GPHN: variants seen among roughly 807,000 people sequenced by gnomAD.
GPHN encodes gephyrin.
In GPHN, 17 loss-of-function variants were observed where a neutral mutation model predicts 95.5. That is an observed-to-expected ratio of 0.18 (90% confidence interval 0.12 to 0.27). The LOEUF is 0.27. GPHN is among the 10% of genes least tolerant of loss of function. GPHN has a pLI of 1.00. For synonymous variants in GPHN, 320 were observed against 322.5 expected (o/e 0.99, Z 0.08); for missense variants, 660 against 978.1 (o/e 0.67, Z 4.34).
intron 13 of GPHN, among the ~76,000 whole-genome samples, chr14:67,109,025 C>T (rs941702294): frequency 3.3e-5 from 5 of 152,112 alleles, no homozygotes; most frequent in Non-Finnish European, 7.3e-5. Flanking sequence ...GCCCACTACA[C>T]ACCTAGCCTA....
chr14:66,568,351 G>A (rs1404294129), intron 1 of GPHN, among the ~76,000 whole-genome samples: 4 of 152,110 alleles, frequency 2.6e-5, no homozygotes, highest in South Asian at 2.1e-4. Flanking sequence ...TTAGGCCTGC[G>A]TGCCTTGTTT....
At chr14:66,519,953 T>C (rs1252198629) in intron 1 of GPHN, among the ~76,000 whole-genome samples, 2 of 152,158 alleles carry the variant, frequency 1.3e-5, no homozygotes, top group South Asian at 4.1e-4. Context: ...AGGCTGCAAA[T>C]TGAATCTATG....
chr14:66,968,868 G>A (rs1028838547), intron 9 of GPHN, among the ~76,000 whole-genome samples: 13 of 148,298 alleles, frequency 8.8e-5, no homozygotes, highest in African/African-American at 3.0e-4. Flanking sequence ...TGATTATCAA[G>A]AATACATAAT....
At chr14:67,613,032 G>A in the GPHN span, 1 of 152,186 alleles carries the variant, frequency 6.6e-6, no homozygotes, top group Non-Finnish European at 1.5e-5. Flanking sequence ...AAAGGAAGAA[G>A]CTGAGGCAAA....
the GPHN span, chr14:67,224,945 T>A: frequency 1.8e-6 from 1 of 565,708 alleles, no homozygotes; most frequent in East Asian, 3.4e-5. Context: ...TTGCAAAGAA[T>A]AAATACATTT....
At chr14:67,515,407 C>CCGGCGGCGGCGGCGG in the GPHN span, 88 of 178,878 alleles carry the variant, frequency 4.9e-4, 2 homozygotes, top group East Asian at 7.7e-3. Flanking sequence ...AAAGGAGCCC[C>CCGGCGGCGGCGGCGG]CGGCGGCGGC....
chr14:66,618,162 G>A (rs910903824), intron 1 of GPHN, among the ~76,000 whole-genome samples: 1 of 152,136 alleles, frequency 6.6e-6, no homozygotes, highest in African/African-American at 2.4e-5. Context: ...TGGTTTGAGT[G>A]AATATCCTTG....
the GPHN span, among the ~76,000 whole-genome samples, chr14:67,564,540 C>A: frequency 6.6e-6 from 1 of 152,138 alleles, no homozygotes; most frequent in Non-Finnish European, 1.5e-5. Context: ...TCACTGCAAC[C>A]TCTGCCTCCT....
At chr14:67,632,331 T>C in the GPHN span, among the ~76,000 whole-genome samples, 2 of 152,272 alleles carry the variant, frequency 1.3e-5, no homozygotes, top group African/African-American at 2.4e-5. Context: ...TGACTTGATA[T>C]ATCCATAAGC....
intron 1 of GPHN, among the ~76,000 whole-genome samples, chr14:66,593,578 A>C (rs183297441): frequency 1.3e-5 from 2 of 152,272 alleles, no homozygotes; most frequent in African/African-American, 4.8e-5. Context: ...ACCTCCCACC[A>C]GGTCTCTTTC....
intron 10 of GPHN, among the ~76,000 whole-genome samples, chr14:67,041,015 G>A (rs2074674305): frequency 6.6e-6 from 1 of 152,044 alleles, no homozygotes; most frequent in Non-Finnish European, 1.5e-5. Flanking sequence ...AGCATTAACT[G>A]ATTATTTTTC....
the GPHN span, among the ~76,000 whole-genome samples, chr14:67,207,408 T>A: frequency 6.6e-6 from 1 of 151,996 alleles, no homozygotes; most frequent in African/African-American, 2.4e-5. Flanking sequence ...GAGTGAGAAC[T>A]CACTCATTAT....
chr14:66,797,233 G>A (rs2060191306), intron 3 of GPHN, among the ~76,000 whole-genome samples: 1 of 151,446 alleles, frequency 6.6e-6, no homozygotes, highest in South Asian at 2.1e-4. Context: ...GGTTATTATA[G>A]CTTTGTAATA....
At chr14:66,786,212 A>G (rs2153467001) in intron 3 of GPHN, among the ~76,000 whole-genome samples, 1 of 152,260 alleles carries the variant, frequency 6.6e-6, no homozygotes, top group South Asian at 2.1e-4. Context: ...GAGTATTACT[A>G]CAGATCTTCT....
chr14:66,970,517 G>T (rs550981206), intron 9 of GPHN, among the ~76,000 whole-genome samples: 1 of 152,234 alleles, frequency 6.6e-6, no homozygotes, highest in South Asian at 2.1e-4. Context: ...GAACACCAGG[G>T]TGATTATGTG....
At chr14:66,665,351 C>G (rs2065890960) in intron 1 of GPHN, among the ~76,000 whole-genome samples, 1 of 152,182 alleles carries the variant, frequency 6.6e-6, no homozygotes, top group South Asian at 2.1e-4. Flanking sequence ...ATCTACTCAT[C>G]TGACAAAGGG....
the GPHN span, among the ~76,000 whole-genome samples, chr14:67,630,801 T>G: frequency 6.6e-6 from 1 of 152,096 alleles, no homozygotes; most frequent in Non-Finnish European, 1.5e-5. Context: ...GCTGGTCTGG[T>G]CTGGAACTCC....
chr14:66,549,285 T>C (rs1035580467), intron 1 of GPHN, among the ~76,000 whole-genome samples: 6 of 152,154 alleles, frequency 3.9e-5, no homozygotes, highest in African/African-American at 7.2e-5. Context: ...GAAGGAAATA[T>C]AAAGTGCTAC....
chr14:67,628,557 TA>T, the GPHN span, among the ~76,000 whole-genome samples: 1 of 152,220 alleles, frequency 6.6e-6, no homozygotes, highest in African/African-American at 2.4e-5. Flanking sequence ...GATTTTAACT[TA>T]ATACCTCTTA....
Sources: allele counts gnomAD v4.1 joint callset (sites outside exome capture counted in the v4.1 genomes callset), GRCh38; gene constraint gnomAD v4.1.1; transcripts MANE v1.5; gene names NCBI Gene and HGNC (gene_info 2026-07-23, HGNC 2026-07-21).